The following GUCY2F variants were observed in gnomAD, a reference collection of about 807,000 sequenced individuals.
The protein encoded by GUCY2F is retinal guanylyl cyclase 2.
A neutral mutation model predicts 73.1 loss-of-function variants in GUCY2F; 61 were observed. The observed-to-expected ratio is 0.83, with a 90% CI of 0.68 to 1.03. The LOEUF (loss-of-function observed/expected upper bound fraction) is 1.03. Among genes scored for constraint, GUCY2F ranks in the 50% least tolerant of loss-of-function variants. The pLI, the probability that GUCY2F is intolerant of heterozygous loss-of-function variation, is 0.00. For synonymous variants in GUCY2F, 331 were observed against 307.8 expected (o/e 1.08, Z -0.79); for missense variants, 912 against 854.3 (o/e 1.07, Z -0.84).
At chrX:109,397,364 T>C in intron 11 of GUCY2F, among the ~76,000 whole-genome samples, 1 of 111,625 alleles carries the variant, frequency 9.0e-6, no homozygotes, top group Non-Finnish European at 1.9e-5. Context: ...TTGGAAGGCT[T>C]TAAGTAGAGG....
At chrX:109,480,686 G>A (rs1932759203) in intron 1 of GUCY2F, among the ~76,000 whole-genome samples, 1 of 110,773 alleles carries the variant, frequency 9.0e-6, no homozygotes, top group African/African-American at 3.3e-5. Flanking sequence ...CTCAGTTTTT[G>A]TTGCTCTTTT....
rs750515636 is a variant in GUCY2F, at chrX:109,436,701, C to T, written c.1701+4650G>A. 1.0e-4 allele frequency among the ~76,000 whole-genome samples: 11 copies of T among 109,260 alleles called. No homozygotes were observed. In the East Asian group the frequency reaches 1.4e-3, roughly 14 times the overall value. 94.9% of individuals were successfully genotyped at this position (109,260 alleles called of 115,157 possible). A position where few individuals can be genotyped will look rare whatever the true frequency, so the allele number is the denominator to read the frequency against. On this transcript the variant is annotated intron_variant, in intron 7 of 19. Coordinates refer to ENST00000218006, the MANE Select transcript of GUCY2F (RefSeq NM_001522.3). ...ATCGCAAGGACAAAAAACCAAACAC[C>T]GCATGTTCTCACTCATAGATGGCAA...
intron 14 of GUCY2F, 39 bp from the exon 15 acceptor site, chrX:109,388,702 T>A: frequency 1.0e-6 from 1 of 978,882 alleles, no homozygotes; most frequent in South Asian, 2.0e-5. Context: ...AACAACTTAT[T>A]TGTGCTTCTT....
intron 2 of GUCY2F, among the ~76,000 whole-genome samples, chrX:109,473,895 G>T (rs1387530387): frequency 2.7e-5 from 3 of 112,192 alleles, no homozygotes; most frequent in African/African-American, 6.5e-5. Flanking sequence ...TTCTGGCATG[G>T]CTCCTCCTGC....
At chrX:109,469,967 C>A (rs1401671442) in intron 2 of GUCY2F, among the ~76,000 whole-genome samples, 3 of 111,800 alleles carry the variant, frequency 2.7e-5, no homozygotes, top group Non-Finnish European at 3.8e-5. Context: ...AGTCCTGAAG[C>A]TACCACTTAC....
chrX:109,452,450 G>A (rs1932155658), intron 4 of GUCY2F, among the ~76,000 whole-genome samples: 1 of 111,939 alleles, frequency 8.9e-6, no homozygotes, highest in African/African-American at 3.2e-5. Context: ...GAATAAATAT[G>A]TTATCTCACC....
In GUCY2F at chrX:109,409,113, G is replaced by A. The variant is rs775683052; in HGVS notation, c.1847C>T (p.Ser616Leu). The A allele has an allele frequency of 2.0e-5, 22 of 1,109,486 alleles. No homozygotes were observed. Among genetic ancestry groups the A allele is most frequent in the South Asian group, 9.2e-5 (5 of 54,460 alleles). The allele number at this position is 1,109,486 out of a possible 1,213,427, so 91.4% of individuals were successfully genotyped here. A position where few individuals can be genotyped will look rare whatever the true frequency, so the allele number is the denominator to read the frequency against. The change falls in exon 9 of 20, where the codon TCG becomes TTG. Residue 616 changes from serine (S) to leucine (L), a missense_variant. Coordinates refer to ENST00000218006, the MANE Select transcript of GUCY2F (RefSeq NM_001522.3). ...TTCTGTCACAATGGCAAACATCCCCGAATCATAGAAGAAACCCAATAAAGG... is the reference window on the plus strand; with the variant it reads ...TTCTGTCACAATGGCAAACATCCCCAAATCATAGAAGAAACCCAATAAAGG... ...INPLLGFFYD[S>L]GMFAIVTEFC...
At chrX:109,413,849 T>C (rs1931172448) in intron 8 of GUCY2F, among the ~76,000 whole-genome samples, 1 of 111,787 alleles carries the variant, frequency 8.9e-6, no homozygotes, top group Non-Finnish European at 1.9e-5. Context: ...ATCCTAGAGG[T>C]GGGTATGTAT....
At chrX:109,476,098 C>CAAAAAAAA in intron 1 of GUCY2F, 77 bp from the exon 2 acceptor site, 1 of 285,286 alleles carries the variant, frequency 3.5e-6, no homozygotes, top group Non-Finnish European at 5.8e-6. Flanking sequence ...GAAAGAATGG[C>CAAAAAAAA]AAAAAAAAAA....
Position 109,436,679 on chromosome X carries a change from G to A in GUCY2F, c.1701+4672C>T, listed in dbSNP as rs765277106. ...AAATCATCGTTCTCAGTAAACTATCGCAAGGACAAAAAACCAAACACCGCA... is the reference window on the plus strand; with the variant it reads ...AAATCATCGTTCTCAGTAAACTATCACAAGGACAAAAAACCAAACACCGCA... On this transcript the variant is annotated intron_variant, in intron 7 of 19. Coordinates refer to ENST00000218006, the MANE Select transcript of GUCY2F (RefSeq NM_001522.3). Among the ~76,000 whole-genome samples the A allele has an allele frequency of 4.2e-3, 467 of 109,889 alleles. 2 individuals are homozygous for A. Among genetic ancestry groups the A allele is most frequent in the African/African-American group, 0.014 (436 of 30,170 alleles).
chrX:109,448,475 G>C (rs1479228145), intron 5 of GUCY2F, among the ~76,000 whole-genome samples: 1 of 112,165 alleles, frequency 8.9e-6, no homozygotes, highest in Non-Finnish European at 1.9e-5. Context: ...CCACATCAAG[G>C]ACACATTCAA....
At position 109,448,148 on chromosome X, in the gene GUCY2F, A is replaced by G. The variant is rs1932063562; in HGVS notation, c.1490T>C (p.Ile497Thr). Residue 497 changes from isoleucine (I) to threonine (T), a missense_variant, in exon 6 of 20, where the codon ATC (isoleucine) becomes ACC (threonine). Ile to Thr is a moderately conservative substitution (Grantham distance 89). Coordinates refer to ENST00000218006, the MANE Select transcript of GUCY2F (RefSeq NM_001522.3). ...AYFIRRRINK[I>T]QLIKGPNRIL... is the part of the protein sequence containing the mutation. ...TCTATTGGGTCCTTTGATCAACTGGATTTTATTTATACGACGCCTAAAACA... is the reference window on the plus strand; with the variant it reads ...TCTATTGGGTCCTTTGATCAACTGGGTTTTATTTATACGACGCCTAAAACA... The G allele has an allele frequency of 9.3e-7, 1 of 1,079,180 alleles. No homozygotes were observed. The highest frequency in any genetic ancestry group is 1.8e-5 in the African/African-American group (1 of 55,210). The allele number at this position is 1,079,180 out of a possible 1,213,427, so 88.9% of individuals were successfully genotyped here. A position where few individuals can be genotyped will look rare whatever the true frequency, so the allele number is the denominator to read the frequency against.
At chrX:109,447,631 G>A (rs1434467895) in intron 6 of GUCY2F, among the ~76,000 whole-genome samples, 2 of 82,197 alleles carry the variant, frequency 2.4e-5, no homozygotes, top group Admixed American at 1.4e-4. Flanking sequence ...GTCGTGGGGT[G>A]GGGGGAGGGG....
chrX:109,437,270 C>G (rs975460781), intron 7 of GUCY2F, among the ~76,000 whole-genome samples: 17 of 111,752 alleles, frequency 1.5e-4, no homozygotes, highest in African/African-American at 5.5e-4. Context: ...ATAACACCCT[C>G]CTTTTGTAAA....
At chrX:109,476,775 CA>C (rs1932706981) in intron 1 of GUCY2F, among the ~76,000 whole-genome samples, 2 of 95,304 alleles carry the variant, frequency 2.1e-5, no homozygotes, top group Non-Finnish European at 1.9e-5. Context: ...GATAGATAGA[CA>C]GACTATATAT....
At chrX:109,399,866 G>T (rs933684863) in intron 10 of GUCY2F, among the ~76,000 whole-genome samples, 1 of 109,758 alleles carries the variant, frequency 9.1e-6, no homozygotes, top group Non-Finnish European at 1.9e-5. Context: ...AGCAAATTGC[G>T]GGTGGGGGGA....
chrX:109,391,780 G>A (rs1229138810), intron 14 of GUCY2F, 131 bp downstream of exon 14: 4 of 376,938 alleles, frequency 1.1e-5, no homozygotes, highest in Non-Finnish European at 1.8e-5. Context: ...AATGGAAGGG[G>A]TGTACTATTT....
At chrX:109,377,989 T>C (rs945054732) in intron 17 of GUCY2F, among the ~76,000 whole-genome samples, 1 of 111,079 alleles carries the variant, frequency 9.0e-6, no homozygotes, top group African/African-American at 3.3e-5. Context: ...CTACCTGACT[T>C]CCACAATTTT....
At chrX:109,375,034 A>G (rs1259017335) in intron 19 of GUCY2F, among the ~76,000 whole-genome samples, 1 of 107,878 alleles carries the variant, frequency 9.3e-6, no homozygotes, top group Non-Finnish European at 1.9e-5. Context: ...GGGACATGTT[A>G]GAGAACAAGG....
Sources: gnomAD v4.1 joint callset for allele counts (sites outside exome capture counted in the v4.1 genomes callset) on GRCh38, gnomAD v4.1.1 for gene constraint, MANE v1.5 for transcripts, NCBI Gene and HGNC (gene_info 2026-07-23, HGNC 2026-07-21) for gene names.